RNF11: variants seen among roughly 807,000 people sequenced by gnomAD.
RNF11 encodes ring finger protein 11.
Under a neutral mutation model 15.8 loss-of-function variants are expected in RNF11, and 4 were observed. The observed-to-expected ratio is 0.25, with a 90% confidence interval of 0.12 to 0.58. The LOEUF (loss-of-function observed/expected upper bound fraction) is 0.58, where lower values mean the gene tolerates loss of function less well. Ranked by LOEUF, RNF11 falls within the 20% of genes least tolerant of loss-of-function variation. RNF11 has a pLI of 0.91. For missense variants in RNF11, 139 were observed against 194.4 expected (o/e 0.71, Z 1.70); for synonymous variants, 68 against 72.3 (o/e 0.94, Z 0.30).
chr1:51,240,573 A>G (rs1166839178), intron 1 of RNF11, among the ~76,000 whole-genome samples: 1 of 152,042 alleles, frequency 6.6e-6, no homozygotes, highest in Non-Finnish European at 1.5e-5. Flanking sequence ...GGTGTTTCCT[A>G]AGTACTTATA....
At chr1:51,247,486 A>G (rs1234183493) in intron 1 of RNF11, among the ~76,000 whole-genome samples, 3 of 147,610 alleles carry the variant, frequency 2.0e-5, no homozygotes, top group Non-Finnish European at 4.5e-5. Flanking sequence ...GTGTCTCATT[A>G]TGTTGGCCAG....
intron 1 of RNF11, among the ~76,000 whole-genome samples, chr1:51,255,234 A>G (rs1646899219): frequency 6.6e-6 from 1 of 152,106 alleles, no homozygotes. Context: ...AGCAGTTTGT[A>G]CTCTGGATAA....
chr1:51,271,358 A>G lies in RNF11; in HGVS notation c.*36A>G, dbSNP rs1646977828. On this transcript the variant is annotated 3_prime_UTR_variant, in exon 3 of 3. Coordinates refer to ENST00000242719, the MANE Select transcript of RNF11 (RefSeq NM_014372.5). ...CTTATCTGACTTCAAGTGAACCACC[A>G]TTTTGGTGGTTTTGATCTTTTGTCA... The G allele has an allele frequency of 6.4e-7, 1 of 1,556,178 alleles. No homozygotes were observed. The highest frequency in any genetic ancestry group is 8.8e-7 in the Non-Finnish European group (1 of 1,139,798).
At chr1:51,259,264 A>G (rs2148071642) in intron 1 of RNF11, among the ~76,000 whole-genome samples, 1 of 152,304 alleles carries the variant, frequency 6.6e-6, no homozygotes, top group East Asian at 1.9e-4. Flanking sequence ...TTGTCTTACT[A>G]AAATGTCAGT....
chr1:51,257,288 A>C (rs1646908083), intron 1 of RNF11, among the ~76,000 whole-genome samples: 1 of 152,212 alleles, frequency 6.6e-6, no homozygotes, highest in Non-Finnish European at 1.5e-5. Context: ...TAGGAGCAGA[A>C]TGCTCTGGCA....
At chr1:51,250,489 A>G (rs1263121390) in intron 1 of RNF11, 3 of 502,766 alleles carry the variant, frequency 6.0e-6, no homozygotes, top group Non-Finnish European at 7.1e-6. Context: ...GCGTGGGTCC[A>G]CTTACAGTGC....
intron 2 of RNF11, 106 bp from the exon 3 acceptor site, chr1:51,271,045 C>A: frequency 1.1e-6 from 1 of 919,280 alleles, no homozygotes; most frequent in Non-Finnish European, 1.7e-6. Context: ...GCAAAGCATT[C>A]TGATGTGTTA....
chr1:51,254,491 G>A (rs1316462252), intron 1 of RNF11, among the ~76,000 whole-genome samples: 3 of 151,640 alleles, frequency 2.0e-5, no homozygotes, highest in Non-Finnish European at 4.4e-5. Flanking sequence ...ATGGAGTCTC[G>A]CTCTGTCACC....
At chr1:51,243,282 A>T (rs1292096896) in intron 1 of RNF11, among the ~76,000 whole-genome samples, 1 of 152,188 alleles carries the variant, frequency 6.6e-6, no homozygotes, top group East Asian at 1.9e-4. Context: ...TAGAACTGTG[A>T]CTTCTTACCT....
rs1646854202 is a variant in RNF11 at position 51,246,884 on chromosome 1, A to G, written c.123+10005A>G. ...TCCCAGTTAATCAGGAAGCTGAGGC[A>G]GGAGGGTTACCTGAGCCCAGGAGTT... is the stretch of plus-strand genomic sequence containing the variant. On this transcript the variant is annotated intron_variant, in intron 1 of 2. Transcript: ENST00000242719. Among the ~76,000 whole-genome samples the G allele has an allele frequency of 4.0e-5, 6 of 151,456 alleles. No individual in the cohort carries two copies. The South Asian group carries it at 1.3e-3, about 32-fold the overall frequency.
chr1:51,248,803 A>G (rs1646864314), intron 1 of RNF11, among the ~76,000 whole-genome samples: 1 of 152,210 alleles, frequency 6.6e-6, no homozygotes, highest in African/African-American at 2.4e-5. Flanking sequence ...TGCCCTGATT[A>G]AATTGAGTGG....
At chr1:51,243,020 G>A (rs945872978) in intron 1 of RNF11, among the ~76,000 whole-genome samples, 7 of 152,108 alleles carry the variant, frequency 4.6e-5, no homozygotes, top group African/African-American at 1.7e-4. Context: ...CTCCACCTTT[G>A]TTAATAAAGC....
Position 51,271,911 on chromosome 1 carries a change from GTTTA to G in RNF11, c.*595_*598del, listed in dbSNP as rs1324709994. The stretch of plus-strand genomic sequence containing the variant: ...GGGCTGGCTCTATGCTTGAAAACCA[GTTTA>G]TTTATAACCTGTTATAAGTGCTATA... On this transcript the variant is annotated 3_prime_UTR_variant, in exon 3 of 3. Coordinates refer to ENST00000242719, the MANE Select transcript of RNF11 (RefSeq NM_014372.5). 2 of 152,562 alleles carry G rather than the reference GTTTA, an allele frequency of 1.3e-5. No individual in the cohort carries two copies. The highest frequency in any genetic ancestry group is 2.9e-5 in the Non-Finnish European group (2 of 68,040). The allele number at this position is 152,562 out of a possible 1,614,324, so 9.5% of individuals were successfully genotyped here. A position where few individuals can be genotyped will look rare whatever the true frequency, so the allele number is the denominator to read the frequency against.
At chr1:51,252,081 C>CACAAAAA (rs1646880665) in intron 1 of RNF11, among the ~76,000 whole-genome samples, 1 of 53,650 alleles carries the variant, frequency 1.9e-5, no homozygotes, top group Non-Finnish European at 3.6e-5. Flanking sequence ...CATCTCAAAG[C>CACAAAAA]AAAAAAAAAA....
Position 51,264,311 on chromosome 1 carries a change from TATATATAC to T in RNF11, c.124-5643_124-5636del, listed in dbSNP as rs1445561219. ...AAATATATATATATATATATATATA[TATATATAC>T]ACACACACACACACACACACATTTA... On this transcript the variant is annotated intron_variant, in intron 1 of 2. Transcript: ENST00000242719. 1.1e-3 allele frequency among the ~76,000 whole-genome samples: 110 copies of T among 101,908 alleles called. 1 individual carries two copies. The highest frequency in any genetic ancestry group is 0.01 in the East Asian group (36 of 3,548). 66.9% of individuals were successfully genotyped at this position (101,908 alleles called of 152,430 possible).
At chr1:51,245,118 G>A (rs1646846006) in intron 1 of RNF11, among the ~76,000 whole-genome samples, 1 of 152,166 alleles carries the variant, frequency 6.6e-6, no homozygotes, top group African/African-American at 2.4e-5. Flanking sequence ...TGAATGTAGT[G>A]GCATGGTCAC....
intron 1 of RNF11, among the ~76,000 whole-genome samples, chr1:51,255,387 G>A (rs1569669624): frequency 6.6e-6 from 1 of 152,186 alleles, no homozygotes; most frequent in East Asian, 1.9e-4. Context: ...AGCCTCCTGA[G>A]TAGCTGGGAC....
At chr1:51,245,341 C>T (rs1249862806) in intron 1 of RNF11, among the ~76,000 whole-genome samples, 4 of 152,090 alleles carry the variant, frequency 2.6e-5, no homozygotes, top group African/African-American at 7.2e-5. Context: ...TTAGTAGAGA[C>T]GGGGTCTCAC....
chr1:51,260,345 T>C (rs72898421), intron 1 of RNF11, among the ~76,000 whole-genome samples: 2,456 of 152,310 alleles, frequency 0.016, 65 homozygotes, highest in African/African-American at 0.057. Flanking sequence ...TCATGTCTGT[T>C]TGTCTCTCTT....
Sources: allele counts gnomAD v4.1 joint callset (sites outside exome capture counted in the v4.1 genomes callset), GRCh38; gene constraint gnomAD v4.1.1; transcripts MANE v1.5; gene names NCBI Gene and HGNC (gene_info 2026-07-23, HGNC 2026-07-21).